The following CNTNAP2 variants were observed in gnomAD, a reference collection of about 807,000 sequenced individuals.
CNTNAP2 encodes the protein contactin associated protein 2, also known as contactin-associated protein-like 2.
CNTNAP2 carries 98 observed loss-of-function variants against 155.2 expected under a neutral mutation model. The ratio of observed to expected loss-of-function variants is 0.63; its 90% CI spans 0.54 to 0.75. CNTNAP2 has a LOEUF of 0.75. Among genes scored for constraint, CNTNAP2 ranks in the 30% least tolerant of loss-of-function variants. The pLI, the probability that CNTNAP2 is intolerant of heterozygous loss-of-function variation, is 0.00. For missense variants in CNTNAP2, 1,727 were observed against 1,688.1 expected, an observed-to-expected ratio of 1.02 and a Z score of -0.40; for synonymous variants, 651 against 631.2, an observed-to-expected ratio of 1.03 and a Z score of -0.47.
chr7:146,145,496 A>C (rs546947364), intron 1 of CNTNAP2, among the ~76,000 whole-genome samples: 1 of 152,366 alleles, frequency 6.6e-6, no homozygotes, highest in African/African-American at 2.4e-5. Flanking sequence ...GGTATTATTT[A>C]GAAAAGTACC....
chr7:147,007,108 C>G (rs1397474046), intron 3 of CNTNAP2, among the ~76,000 whole-genome samples: 4 of 151,952 alleles, frequency 2.6e-5, no homozygotes, highest in Non-Finnish European at 5.9e-5. Flanking sequence ...ATTTTAAATC[C>G]CCACTCATGG....
At chr7:146,410,056 G>C (rs1029472308) in intron 1 of CNTNAP2, among the ~76,000 whole-genome samples, 1 of 152,150 alleles carries the variant, frequency 6.6e-6, no homozygotes, top group Non-Finnish European at 1.5e-5. Context: ...TATATTTGCA[G>C]TAAAGTATCT....
At chr7:147,300,033 C>T in intron 8 of CNTNAP2, 108 bp from the exon 9 acceptor site, 1 of 1,226,744 alleles carries the variant, frequency 8.2e-7, no homozygotes. Context: ...ACTGTATTTT[C>T]CAAGAGAAAA....
chr7:146,520,570 T>C (rs1563117531), intron 1 of CNTNAP2, among the ~76,000 whole-genome samples: 1 of 151,698 alleles, frequency 6.6e-6, no homozygotes, highest in Admixed American at 6.6e-5. Context: ...ATTTCTATAA[T>C]GCAACTGCTT....
chr7:146,661,747 A>G (rs1284663798), intron 1 of CNTNAP2, among the ~76,000 whole-genome samples: 1 of 136,928 alleles, frequency 7.3e-6, no homozygotes. Context: ...TTTTTTTTAA[A>G]TAAAGCTGCA....
At chr7:147,105,247 G>T (rs894013748) in intron 4 of CNTNAP2, among the ~76,000 whole-genome samples, 1 of 151,798 alleles carries the variant, frequency 6.6e-6, no homozygotes, top group African/African-American at 2.4e-5. Context: ...TTTTGAAAAA[G>T]CGTTTTCTAC....
intron 13 of CNTNAP2, among the ~76,000 whole-genome samples, chr7:147,770,348 C>T (rs1327449766): frequency 2.0e-5 from 3 of 152,100 alleles, no homozygotes; most frequent in African/African-American, 7.2e-5. Flanking sequence ...TTTCCCTCTA[C>T]TTTCTGTGTA....
chr7:146,572,316 T>C (rs937775145), intron 1 of CNTNAP2, among the ~76,000 whole-genome samples: 17 of 148,360 alleles, frequency 1.1e-4, no homozygotes, highest in African/African-American at 4.0e-4. Flanking sequence ...GGAAAGGACA[T>C]TGAAAATCCC....
chr7:148,260,745 G>A (rs897538557), intron 20 of CNTNAP2, among the ~76,000 whole-genome samples: 4 of 152,186 alleles, frequency 2.6e-5, no homozygotes, highest in Admixed American at 6.5e-5. Context: ...TGGAGGCAAA[G>A]CTGCCCCTGT....
At chr7:146,325,626 G>GGA (rs140556394) in intron 1 of CNTNAP2, among the ~76,000 whole-genome samples, 1 of 151,248 alleles carries the variant, frequency 6.6e-6, no homozygotes, top group Non-Finnish European at 1.5e-5. Context: ...ACACACACAG[G>GGA]GAGAGAGAGA....
intron 13 of CNTNAP2, among the ~76,000 whole-genome samples, chr7:147,883,055 A>G (rs1361896293): frequency 1.3e-5 from 2 of 152,192 alleles, no homozygotes; most frequent in Non-Finnish European, 2.9e-5. Flanking sequence ...ATAACTGTAC[A>G]GCATGATAGA....
At chr7:148,257,748 G>A (rs1038568789) in intron 20 of CNTNAP2, among the ~76,000 whole-genome samples, 5 of 152,138 alleles carry the variant, frequency 3.3e-5, no homozygotes, top group South Asian at 4.1e-4. Flanking sequence ...CCAGATTCAC[G>A]ATCAGCCAGT....
At chr7:146,461,035 C>T (rs1392234688) in intron 1 of CNTNAP2, among the ~76,000 whole-genome samples, 2 of 152,102 alleles carry the variant, frequency 1.3e-5, no homozygotes, top group Non-Finnish European at 1.5e-5. Context: ...TGGACTTAAT[C>T]ATTTCACAAT....
chr7:147,131,183 C>T (rs1265740222), intron 7 of CNTNAP2, among the ~76,000 whole-genome samples: 1 of 150,080 alleles, frequency 6.7e-6, no homozygotes, highest in Admixed American at 6.7e-5. Flanking sequence ...TATACATATA[C>T]ATATACCATA....
Position 147,465,759 on chromosome 7 carries a change from A to G in CNTNAP2, c.1671-20176A>G, listed in dbSNP as rs1798109695. On this transcript the variant is annotated intron_variant, in intron 10 of 23. Coordinates refer to ENST00000361727, the MANE Select transcript of CNTNAP2 (RefSeq NM_014141.6). ...CAGTTCTAGGCATCCAGTGCCCCAA[A>G]GTCATGGGAGACTTAATTCAGCAAA... Among the ~76,000 whole-genome samples the G allele has an allele frequency of 1.3e-5, 2 of 152,186 alleles. 1 individual carries two copies. The highest frequency in any genetic ancestry group is 4.1e-4 in the South Asian group (2 of 4,828).
chr7:146,517,577 G>T (rs183751615), intron 1 of CNTNAP2, among the ~76,000 whole-genome samples: 1 of 152,058 alleles, frequency 6.6e-6, no homozygotes, highest in Admixed American at 6.6e-5. Context: ...GAGAGACTCA[G>T]GGACTTGTTT....
intron 18 of CNTNAP2, among the ~76,000 whole-genome samples, chr7:148,191,495 G>A (rs1460076668): frequency 6.6e-6 from 1 of 152,196 alleles, no homozygotes; most frequent in Non-Finnish European, 1.5e-5. Flanking sequence ...GGTTGCTATA[G>A]CATACTGCCA....
chr7:146,213,675 T>G lies in CNTNAP2; in HGVS notation c.97+96702T>G, dbSNP rs1342877803. Among the ~76,000 whole-genome samples the G allele has an allele frequency of 3.3e-5, 5 of 152,302 alleles. No homozygotes were observed. The East Asian group carries it at 9.6e-4, about 29-fold the overall frequency. The stretch of plus-strand genomic sequence containing the variant: ...TTAAGTAACCCAATGGGAACTAGAT[T>G]CAAATATCCCAGTTCCCAAGCCATG... On this transcript the variant is annotated intron_variant, in intron 1 of 23. Coordinates refer to ENST00000361727, the MANE Select transcript of CNTNAP2 (RefSeq NM_014141.6).
chr7:147,650,517 T>C (rs1489133058), intron 13 of CNTNAP2, among the ~76,000 whole-genome samples: 3 of 152,198 alleles, frequency 2.0e-5, no homozygotes, highest in Admixed American at 1.3e-4. Context: ...TGAAGACTTT[T>C]ATAATGACCC....
Sources: gnomAD v4.1 joint callset for allele counts (sites outside exome capture counted in the v4.1 genomes callset) on GRCh38, gnomAD v4.1.1 for gene constraint, MANE v1.5 for transcripts, NCBI Gene and HGNC (gene_info 2026-07-23, HGNC 2026-07-21) for gene names.